VWA8: variants seen among roughly 807,000 people sequenced by gnomAD.
VWA8 encodes the protein von Willebrand factor A domain-containing protein 8.
Under a neutral mutation model 241.5 loss-of-function variants are expected in VWA8, and 221 were observed. The observed-to-expected ratio is 0.91, with a 90% CI of 0.82 to 1.02. The LOEUF is 1.02. Among genes scored for constraint, VWA8 ranks in the 50% least tolerant of loss-of-function variants. VWA8 has a pLI of 0.00. For synonymous variants in VWA8, 852 were observed against 827.1 expected (o/e 1.03, Z -0.52); for missense variants, 2,322 against 2,328.7 (o/e 1.00, Z 0.06).
At chr13:41,926,945 T>A (rs1167734837) in intron 2 of VWA8, 1 of 539,240 alleles carries the variant, frequency 1.9e-6, no homozygotes, top group Non-Finnish European at 3.7e-6. Context: ...TGGAAATGAT[T>A]TGCATCAATC....
chr13:41,674,803 A>G (rs1359342562), intron 36 of VWA8, among the ~76,000 whole-genome samples: 3 of 152,220 alleles, frequency 2.0e-5, no homozygotes, highest in Non-Finnish European at 4.4e-5. Flanking sequence ...GATGCATAAT[A>G]ACATATATCA....
chr13:41,746,184 TTTTGG>T (rs2045605237), intron 21 of VWA8, among the ~76,000 whole-genome samples: 1 of 152,222 alleles, frequency 6.6e-6, no homozygotes, highest in African/African-American at 2.4e-5. Context: ...TATTTACATT[TTTTGG>T]ATTTTTAACG....
intron 37 of VWA8, among the ~76,000 whole-genome samples, chr13:41,638,300 T>G (rs556099220): frequency 6.6e-6 from 1 of 152,234 alleles, no homozygotes; most frequent in Non-Finnish European, 1.5e-5. Flanking sequence ...GAACTCATTC[T>G]ATTTTTCTAC....
chr13:41,758,397 A>ATT (rs1566444703), intron 21 of VWA8, among the ~76,000 whole-genome samples: 1 of 8,630 alleles, frequency 1.2e-4, no homozygotes, highest in Non-Finnish European at 2.6e-4. Context: ...TATATACGCT[A>ATT]GTATATATAT....
intron 25 of VWA8, among the ~76,000 whole-genome samples, chr13:41,720,103 G>A (rs557979353): frequency 6.2e-4 from 94 of 152,192 alleles, no homozygotes; most frequent in Admixed American, 9.8e-4. Flanking sequence ...GTAAAGGAGC[G>A]TGTTAAATAT....
At chr13:41,938,707 GGC>G (rs1311860190) in intron 2 of VWA8, among the ~76,000 whole-genome samples, 1 of 151,956 alleles carries the variant, frequency 6.6e-6, no homozygotes, top group East Asian at 1.9e-4. Context: ...CATAATGAGA[GGC>G]AATTAATCCA....
intron 2 of VWA8, among the ~76,000 whole-genome samples, chr13:41,947,667 G>A (rs1467476137): frequency 6.6e-6 from 1 of 152,146 alleles, no homozygotes; most frequent in Non-Finnish European, 1.5e-5. Flanking sequence ...GGGCGCAGTG[G>A]CTCATGCCAG....
At chr13:41,641,193 C>T (rs2044793110) in intron 37 of VWA8, among the ~76,000 whole-genome samples, 1 of 152,062 alleles carries the variant, frequency 6.6e-6, no homozygotes, top group Non-Finnish European at 1.5e-5. Flanking sequence ...TGTCTGTGGG[C>T]AAGATATGGC....
At chr13:41,928,950 G>A (rs1876975122) in intron 2 of VWA8, among the ~76,000 whole-genome samples, 1 of 151,986 alleles carries the variant, frequency 6.6e-6, no homozygotes, top group Non-Finnish European at 1.5e-5. Context: ...AATATCCCAT[G>A]TCCATTAATA....
chr13:41,749,070 C>T (rs934575939), intron 21 of VWA8, among the ~76,000 whole-genome samples: 2 of 152,082 alleles, frequency 1.3e-5, no homozygotes, highest in African/African-American at 4.8e-5. Context: ...AGTGAACAGG[C>T]AACCTACAGA....
At chr13:41,715,210 T>C (rs181428132) in intron 26 of VWA8, among the ~76,000 whole-genome samples, 1 of 152,084 alleles carries the variant, frequency 6.6e-6, no homozygotes, top group Non-Finnish European at 1.5e-5. Flanking sequence ...TCTATAAATG[T>C]TTCTATTACC....
intron 13 of VWA8, 71 bp from the exon 14 acceptor site, chr13:41,830,713 T>C (rs986381264): frequency 1.7e-5 from 22 of 1,324,224 alleles, no homozygotes; most frequent in Admixed American, 3.7e-5. Context: ...AGAGGCAGAA[T>C]CAGTCAGCCA....
At chr13:41,818,850 T>C (rs1474358037) in intron 15 of VWA8, among the ~76,000 whole-genome samples, 1 of 152,140 alleles carries the variant, frequency 6.6e-6, no homozygotes, top group Non-Finnish European at 1.5e-5. Context: ...GATTCGAAAA[T>C]GGCCTCCACC....
At chr13:41,708,656 G>A (rs2045297814) in intron 26 of VWA8, among the ~76,000 whole-genome samples, 1 of 152,078 alleles carries the variant, frequency 6.6e-6, no homozygotes, top group South Asian at 2.1e-4. Context: ...TCATAACTTA[G>A]ACTTGTATAC....
intron 4 of VWA8, among the ~76,000 whole-genome samples, chr13:41,897,836 G>A (rs1456964123): frequency 6.6e-6 from 1 of 152,076 alleles, no homozygotes. Context: ...CTGTGGAAGG[G>A]GACCCGAGCG....
At chr13:41,748,925 G>A (rs532904625) in intron 21 of VWA8, among the ~76,000 whole-genome samples, 13 of 152,178 alleles carry the variant, frequency 8.5e-5, no homozygotes, top group African/African-American at 3.1e-4. Flanking sequence ...AATCTAGGCA[G>A]TATCATTCAG....
chr13:41,868,407 T>C lies in VWA8; in HGVS notation c.1151A>G (p.Glu384Gly), dbSNP rs753332078. 7 of 1,614,058 alleles carry C rather than the reference T, an allele frequency of 4.3e-6. No individual in the cohort carries two copies. The highest frequency in any genetic ancestry group is 5.9e-6 in the Non-Finnish European group (7 of 1,180,024). Residue 384 changes from glutamate (E) to glycine (G), a missense_variant, in exon 10 of 45, where the codon GAA becomes GGA. Glu to Gly is a moderately conservative substitution (Grantham distance 98). Transcript: ENST00000379310. Reference protein sequence around the residue: ...KEIVKVEKMMENHVSQASVTI... With the variant: ...KEIVKVEKMMGNHVSQASVTI... ...CACAGAAGCTTGGGACACATGGTTT[T>C]CCATCATCTTCTCTACTTTTACAAT...
At chr13:41,773,867 G>T (rs959441862) in intron 20 of VWA8, among the ~76,000 whole-genome samples, 4 of 152,114 alleles carry the variant, frequency 2.6e-5, no homozygotes, top group Non-Finnish European at 5.9e-5. Context: ...TCATTATTCT[G>T]TCTTAGTGAT....
At chr13:41,911,456 C>T (rs562627720) in intron 3 of VWA8, among the ~76,000 whole-genome samples, 7 of 152,222 alleles carry the variant, frequency 4.6e-5, no homozygotes, top group African/African-American at 1.7e-4. Flanking sequence ...AAGAGGACAA[C>T]ATGTCAGAAA....
Sources: gnomAD v4.1 joint callset for allele counts (sites outside exome capture counted in the v4.1 genomes callset) on GRCh38, gnomAD v4.1.1 for gene constraint, MANE v1.5 for transcripts, NCBI Gene and HGNC (gene_info 2026-07-23, HGNC 2026-07-21) for gene names.